EGFR: variants seen among roughly 807,000 people sequenced by gnomAD.
EGFR encodes avian erythroblastic leukemia viral (v-erb-b) oncogene homolog.
In EGFR, 58 loss-of-function variants were observed where a neutral mutation model predicts 143.0. The observed-to-expected ratio is 0.41, with a 90% confidence interval of 0.33 to 0.50. The LOEUF is 0.50. EGFR is among the 20% of genes least tolerant of loss of function. EGFR has a pLI of 0.39. For synonymous variants in EGFR, 613 were observed against 594.4 expected (o/e 1.03, Z -0.45); for missense variants, 1,307 against 1,579.0 (o/e 0.83, Z 2.92).
chr7:55,168,670 T>G, intron 15 of EGFR: 1 of 1,289,682 alleles, frequency 7.8e-7, no homozygotes, highest in Non-Finnish European at 1.1e-6. Flanking sequence ...CTTTAGTATG[T>G]GTGATTACAT....
In EGFR at chr7:55,159,162, C is replaced by T. The variant is rs745858337; in HGVS notation, c.1299-977C>T. 5.9e-5 allele frequency among the ~76,000 whole-genome samples: 9 copies of T among 152,292 alleles called. No individual in the cohort carries two copies. In the South Asian group the frequency reaches 6.2e-4, roughly 11 times the overall value. On this transcript the variant is annotated intron_variant, in intron 11 of 27. Transcript: ENST00000275493. ...GCCCAGCCCTCCCAGCCTGCATCAT[C>T]GTGGTCCTGTAGGGGCTAGAGGTTC...
intron 6 of EGFR, among the ~76,000 whole-genome samples, chr7:55,153,327 T>C (rs1470196436): frequency 6.6e-6 from 1 of 152,246 alleles, no homozygotes; most frequent in Non-Finnish European, 1.5e-5. Context: ...CAGAAGCGTC[T>C]TGGAAGTCCT....
At chr7:55,063,403 A>G (rs1289706956) in intron 1 of EGFR, among the ~76,000 whole-genome samples, 1 of 152,192 alleles carries the variant, frequency 6.6e-6, no homozygotes, top group East Asian at 1.9e-4. Context: ...AACGATGTGG[A>G]ATTCTCTGGA....
intron 1 of EGFR, among the ~76,000 whole-genome samples, chr7:55,070,221 G>T (rs973968827): frequency 6.6e-6 from 1 of 152,114 alleles, no homozygotes; most frequent in East Asian, 1.9e-4. Flanking sequence ...TATCTTTTCC[G>T]AGCAATGAAA....
At chr7:55,141,695 C>A (rs905954778) in intron 1 of EGFR, among the ~76,000 whole-genome samples, 1 of 152,002 alleles carries the variant, frequency 6.6e-6, no homozygotes, top group Admixed American at 6.6e-5. Context: ...ACACTTTTGT[C>A]CCTGATTTTA....
At chr7:55,184,441 G>A (rs74670322) in intron 20 of EGFR, among the ~76,000 whole-genome samples, 2,739 of 152,250 alleles carry the variant, frequency 0.018, 65 homozygotes, top group African/African-American at 0.063. Flanking sequence ...CAGTTGGCCT[G>A]ACCTAGATAA....
chr7:55,161,429 G>T (rs574560808), intron 12 of EGFR, 70 bp from the exon 13 acceptor site: 2 of 1,555,598 alleles, frequency 1.3e-6, no homozygotes, highest in East Asian at 2.3e-5. Context: ...TCCCGGGAAG[G>T]TGCCGTCTCC....
At chr7:55,088,267 C>T (rs1218011512) in intron 1 of EGFR, among the ~76,000 whole-genome samples, 10 of 152,184 alleles carry the variant, frequency 6.6e-5, no homozygotes. Context: ...AAGGTAGGAG[C>T]GGATGGGGGA....
chr7:55,163,615 C>T (rs924050866), intron 13 of EGFR, 118 bp from the exon 14 acceptor site: 4 of 821,518 alleles, frequency 4.9e-6, no homozygotes, highest in Non-Finnish European at 8.5e-6. Flanking sequence ...CTATATAGTC[C>T]TGGAGTCCCA....
At chr7:55,175,110 C>G (rs1786541184) in intron 19 of EGFR, among the ~76,000 whole-genome samples, 1 of 152,152 alleles carries the variant, frequency 6.6e-6, no homozygotes, top group African/African-American at 2.4e-5. Context: ...TCTTGGTGAG[C>G]CTGGAGCATG....
At chr7:55,037,965 GGGTGCCTCTGCACTCCCGGTGTTCC>G (rs1173311057) in intron 1 of EGFR, among the ~76,000 whole-genome samples, 4 of 152,252 alleles carry the variant, frequency 2.6e-5, no homozygotes, top group African/African-American at 7.2e-5. Flanking sequence ...CCAGTTAGTC[GGGTGCCTCTGCACTCCCGGTGTTCC>G]GGCGCCCAGT....
chr7:55,064,589 A>G (rs978032284), intron 1 of EGFR, among the ~76,000 whole-genome samples: 2 of 152,180 alleles, frequency 1.3e-5, no homozygotes, highest in Admixed American at 1.3e-4. Flanking sequence ...TCAAACTCTC[A>G]GTCAGTGCGC....
At position 55,151,295 on chromosome 7, in the gene EGFR, C is replaced by T. The variant is rs776568205; in HGVS notation, c.561C>T (p.Cys187=). 6.2e-7 allele frequency: 1 copy of T among 1,614,114 alleles called. No individual in the cohort carries two copies. Among genetic ancestry groups the T allele is most frequent in the South Asian group, 1.1e-5 (1 of 91,080 alleles). Residue 187 remains cysteine, a splice_region_variant and synonymous_variant, in exon 5 of 28, where the codon TGC becomes TGT. Coordinates refer to ENST00000275493, the MANE Select transcript of EGFR (RefSeq NM_005228.5). The stretch of plus-strand genomic sequence containing the variant: ...GCATCTATTACTTTTACATTTCAGG[C>T]CAAAAGTGTGATCCAAGCTGTCCCA... The part of the protein sequence containing the change: ...SMDFQNHLGS[C]QKCDPSCPNG...
chr7:55,146,801 C>G (rs2128929794), intron 4 of EGFR, 61 bp downstream of exon 4: 1 of 1,609,870 alleles, frequency 6.2e-7, no homozygotes, highest in Non-Finnish European at 8.5e-7. Context: ...CTCTACAGCA[C>G]TGGGGCAGGG....
chr7:55,168,890 A>T (rs1786203643), intron 15 of EGFR, among the ~76,000 whole-genome samples: 1 of 151,966 alleles, frequency 6.6e-6, no homozygotes, highest in Non-Finnish European at 1.5e-5. Context: ...TCCTGAATAT[A>T]TTGTCTCTCT....
At chr7:55,179,423 T>G (rs1448356664) in intron 19 of EGFR, among the ~76,000 whole-genome samples, 1 of 152,202 alleles carries the variant, frequency 6.6e-6, no homozygotes, top group Non-Finnish European at 1.5e-5. Context: ...GAGTTTCATT[T>G]AGATTGAAGA....
Position 55,025,953 on chromosome 7 carries a change from C to T in EGFR, c.88+6588C>T, listed in dbSNP as rs77252269. ...CCACATCACATTACTTGGTTTTGTACGCTAGTGGCTGAACCAAAAAAAGTA... is the reference window on the plus strand; with the variant it reads ...CCACATCACATTACTTGGTTTTGTATGCTAGTGGCTGAACCAAAAAAAGTA... On this transcript the variant is annotated intron_variant, in intron 1 of 27. Coordinates refer to ENST00000275493, the MANE Select transcript of EGFR (RefSeq NM_005228.5). Among the ~76,000 whole-genome samples, 1,155 of 152,244 alleles carry T rather than the reference C, an allele frequency of 7.6e-3. 11 individuals are homozygous for T. The highest frequency in any genetic ancestry group is 0.018 in the African/African-American group (767 of 41,546).
At chr7:55,020,486 G>A (rs1786488706) in intron 1 of EGFR, among the ~76,000 whole-genome samples, 2 of 151,864 alleles carry the variant, frequency 1.3e-5, no homozygotes, top group Admixed American at 6.6e-5. Flanking sequence ...CTCAAAACCC[G>A]GAGACTTTCT....
chr7:55,081,162 C>T (rs1015045039), intron 1 of EGFR, among the ~76,000 whole-genome samples: 1 of 152,148 alleles, frequency 6.6e-6, no homozygotes, highest in Non-Finnish European at 1.5e-5. Context: ...GAACAGAAAG[C>T]ATTTTGAAAC....
Sources: allele counts gnomAD v4.1 joint callset (sites outside exome capture counted in the v4.1 genomes callset), GRCh38; gene constraint gnomAD v4.1.1; transcripts MANE v1.5; gene names NCBI Gene and HGNC (gene_info 2026-07-23, HGNC 2026-07-21).